The following PACRG variants were observed in gnomAD, a reference collection of about 807,000 sequenced individuals.
PACRG encodes the protein parkin coregulated.
Under a neutral mutation model 29.7 loss-of-function variants are expected in PACRG, and 29 were observed. That is an observed-to-expected ratio of 0.98 (90% CI 0.73 to 1.33). The LOEUF (loss-of-function observed/expected upper bound fraction) is 1.33. PACRG is among the 40% of genes most tolerant of loss of function. PACRG has a pLI of 0.00. For synonymous variants in PACRG, 116 were observed against 118.7 expected, an observed-to-expected ratio of 0.98 and a Z score of 0.15; for missense variants, 279 against 316.2, an observed-to-expected ratio of 0.88 and a Z score of 0.89.
chr6:163,240,391 C>T (rs574958341), intron 4 of PACRG, among the ~76,000 whole-genome samples: 1 of 152,174 alleles, frequency 6.6e-6, no homozygotes, highest in African/African-American at 2.4e-5. Flanking sequence ...GTTTAAGAGA[C>T]AAGCTCTGTA....
Position 162,961,729 on chromosome 6 carries a change from T to C in PACRG, c.292-100421T>C, listed in dbSNP as rs978225466. ...CCTTCTCCTCCACCATCTTCATTTCTACCCGCTTCCCTAGAGTCCTGCCTT... is the reference window on the plus strand; with the variant it reads ...CCTTCTCCTCCACCATCTTCATTTCCACCCGCTTCCCTAGAGTCCTGCCTT... On this transcript the variant is annotated intron_variant, in intron 2 of 4. Coordinates refer to ENST00000366888, the MANE Select transcript of PACRG (RefSeq NM_001080379.2). Among the ~76,000 whole-genome samples the C allele has an allele frequency of 4.6e-5, 7 of 152,186 alleles. No homozygotes were observed. In the South Asian group the frequency reaches 8.3e-4, roughly 18 times the overall value.
At chr6:162,834,385 A>G (rs1245610458) in intron 2 of PACRG, among the ~76,000 whole-genome samples, 1 of 152,194 alleles carries the variant, frequency 6.6e-6, no homozygotes, top group Non-Finnish European at 1.5e-5. Context: ...CATACATTGT[A>G]TAATGAATGC....
At chr6:163,149,356 C>A (rs1437214720) in intron 4 of PACRG, among the ~76,000 whole-genome samples, 1 of 152,298 alleles carries the variant, frequency 6.6e-6, no homozygotes, top group South Asian at 2.1e-4. Context: ...GCCCGTCTGC[C>A]CTCCTCGCTC....
intron 2 of PACRG, among the ~76,000 whole-genome samples, chr6:162,983,883 T>C (rs1310787689): frequency 6.6e-6 from 1 of 152,048 alleles, no homozygotes; most frequent in Non-Finnish European, 1.5e-5. Context: ...GTTTTCTTAA[T>C]TGTTCCCTCA....
chr6:162,884,604 T>C (rs1275707477), intron 2 of PACRG, among the ~76,000 whole-genome samples: 3 of 152,224 alleles, frequency 2.0e-5, no homozygotes, highest in African/African-American at 4.8e-5. Context: ...AAGCAACTTA[T>C]GACTACTTCA....
At position 162,787,580 on chromosome 6, in the gene PACRG, G is replaced by C. The variant is rs865832388; in HGVS notation, c.157-26567G>C. 4.4e-3 allele frequency among the ~76,000 whole-genome samples: 302 copies of C among 69,140 alleles called. 5 individuals carry two copies. Among genetic ancestry groups the C allele is most frequent in the African/African-American group, 0.016 (273 of 16,920 alleles). The allele number at this position is 69,140 out of a possible 152,430, so 45.4% of individuals were successfully genotyped here. ...TTATTGTGTGTGTGTGTGTGTGTGT[G>C]TGTATATATATATATATATATATAT... On this transcript the variant is annotated intron_variant, in intron 1 of 4. Coordinates refer to ENST00000366888, the MANE Select transcript of PACRG (RefSeq NM_001080379.2).
intron 4 of PACRG, among the ~76,000 whole-genome samples, chr6:163,137,830 G>A (rs1019100935): frequency 2.0e-5 from 3 of 152,216 alleles, no homozygotes; most frequent in African/African-American, 4.8e-5. Flanking sequence ...CCGGCCTGGC[G>A]CCACCGCGCA....
intron 1 of PACRG, among the ~76,000 whole-genome samples, chr6:162,732,792 C>A (rs1375099565): frequency 6.6e-6 from 1 of 152,150 alleles, no homozygotes; most frequent in Non-Finnish European, 1.5e-5. Context: ...CTTTCTGGTA[C>A]AATGTTCTGC....
At chr6:163,240,325 C>G (rs1431258124) in intron 4 of PACRG, among the ~76,000 whole-genome samples, 4 of 152,070 alleles carry the variant, frequency 2.6e-5, no homozygotes, top group African/African-American at 9.7e-5. Flanking sequence ...GTGACGGGGA[C>G]AGAAAATTTA....
intron 4 of PACRG, among the ~76,000 whole-genome samples, chr6:163,168,205 G>A (rs1186524984): frequency 6.6e-6 from 1 of 152,196 alleles, no homozygotes; most frequent in South Asian, 2.1e-4. Context: ...GGCCGGGTGT[G>A]GTGGCTCATG....
At chr6:162,812,160 G>A (rs1220532012) in intron 1 of PACRG, among the ~76,000 whole-genome samples, 1 of 152,088 alleles carries the variant, frequency 6.6e-6, no homozygotes, top group African/African-American at 2.4e-5. Flanking sequence ...GTTCTTGTCT[G>A]TATCAATGTC....
chr6:163,252,807 G>C (rs1406558510), intron 4 of PACRG, among the ~76,000 whole-genome samples: 1 of 152,188 alleles, frequency 6.6e-6, no homozygotes, highest in South Asian at 2.1e-4. Context: ...TAGTGACTAC[G>C]TTATACTCTT....
chr6:163,149,451 A>G (rs931930837), intron 4 of PACRG, among the ~76,000 whole-genome samples: 1 of 152,148 alleles, frequency 6.6e-6, no homozygotes, highest in Non-Finnish European at 1.5e-5. Context: ...CGAACCCTGG[A>G]GAACACGGCC....
intron 1 of PACRG, among the ~76,000 whole-genome samples, chr6:162,743,430 G>A (rs1780749042): frequency 6.6e-6 from 1 of 151,904 alleles, no homozygotes; most frequent in Admixed American, 6.6e-5. Flanking sequence ...TTGTAGAATT[G>A]GAGTCATATC....
At chr6:162,964,921 A>G (rs1055307103) in intron 2 of PACRG, among the ~76,000 whole-genome samples, 1 of 152,180 alleles carries the variant, frequency 6.6e-6, no homozygotes, top group Non-Finnish European at 1.5e-5. Flanking sequence ...GAACATCTGA[A>G]TGTAACGACA....
chr6:163,289,042 C>G lies in PACRG; in HGVS notation c.614-25785C>G, dbSNP rs191978852. 2.8e-3 allele frequency among the ~76,000 whole-genome samples: 422 copies of G among 152,276 alleles called. 2 individuals are homozygous for G. Among genetic ancestry groups the G allele is most frequent in the African/African-American group, 9.6e-3 (398 of 41,570 alleles). ...CAGCGAGGACAGGCTCAAGGTCAGC[C>G]AGTTGCCATTGAGATGCTAGACTGT... On this transcript the variant is annotated intron_variant, in intron 4 of 4. Transcript: ENST00000366888.
chr6:162,923,507 T>C (rs1584765858), intron 2 of PACRG, among the ~76,000 whole-genome samples: 1 of 152,356 alleles, frequency 6.6e-6, no homozygotes, highest in East Asian at 1.9e-4. Context: ...TTTAAGTCTT[T>C]AATCCACTTT....
At chr6:163,066,911 TA>T (rs1439759264) in intron 3 of PACRG, among the ~76,000 whole-genome samples, 7 of 152,252 alleles carry the variant, frequency 4.6e-5, no homozygotes, top group Non-Finnish European at 8.8e-5. Flanking sequence ...GATCAATTTA[TA>T]ATGATTAAAA....
At chr6:163,311,112 A>C (rs1785397410) in intron 4 of PACRG, 1 of 152,182 alleles carries the variant, frequency 6.6e-6, no homozygotes, top group Non-Finnish European at 1.5e-5. Context: ...GAATAAATGC[A>C]CTTAAAATAA....
Sources: gnomAD v4.1 joint callset for allele counts (sites outside exome capture counted in the v4.1 genomes callset) on GRCh38, gnomAD v4.1.1 for gene constraint, MANE v1.5 for transcripts, NCBI Gene and HGNC (gene_info 2026-07-23, HGNC 2026-07-21) for gene names.